The following PDE8B variants were observed in gnomAD, a reference collection of about 807,000 sequenced individuals.
PDE8B encodes the protein phosphodiesterase 8B.
PDE8B carries 26 observed loss-of-function variants against 101.3 expected under a neutral mutation model. The observed-to-expected ratio is 0.26, with a 90% confidence interval of 0.19 to 0.36. The LOEUF (loss-of-function observed/expected upper bound fraction) is 0.36, where lower values mean the gene tolerates loss of function less well. PDE8B is among the 10% of genes least tolerant of loss of function. The pLI is 1.00. For synonymous variants in PDE8B, 424 were observed against 429.3 expected, an observed-to-expected ratio of 0.99 and a Z score of 0.15; for missense variants, 810 against 1,163.1, an observed-to-expected ratio of 0.70 and a Z score of 4.42.
At chr5:77,311,137 CACA>C (rs1772508588) in intron 1 of PDE8B, among the ~76,000 whole-genome samples, 1 of 151,766 alleles carries the variant, frequency 6.6e-6, no homozygotes, top group Non-Finnish European at 1.5e-5. Flanking sequence ...GACAAATGAC[CACA>C]GTCTCTTAGA....
At position 77,325,796 on chromosome 5, in the gene PDE8B, A is replaced by G. The variant is rs1775945192; in HGVS notation, c.590+67A>G. 4 of 1,048,796 alleles carry G rather than the reference A, an allele frequency of 3.8e-6. 1 individual carries two copies. In the East Asian group the frequency reaches 9.7e-5, roughly 26 times the overall value. 65.0% of individuals were successfully genotyped at this position (1,048,796 alleles called of 1,614,324 possible). ...ACATCTTAAAACGAATTTCATTTATAGATATCTTTAGTTTATTTCAAATAT... is the reference window on the plus strand; with the variant it reads ...ACATCTTAAAACGAATTTCATTTATGGATATCTTTAGTTTATTTCAAATAT... On this transcript the variant is annotated intron_variant, in intron 3 of 21. Coordinates refer to ENST00000264917, the MANE Select transcript of PDE8B (RefSeq NM_003719.5).
chr5:77,295,873 G>GGTGTCGCTTTCA (rs1561485253), intron 1 of PDE8B, among the ~76,000 whole-genome samples: 8 of 152,164 alleles, frequency 5.3e-5, no homozygotes, highest in Middle Eastern at 3.4e-3. Flanking sequence ...TGTTGCTTTC[G>GGTGTCGCTTTCA]TTCTCACATG....
intron 6 of PDE8B, among the ~76,000 whole-genome samples, chr5:77,340,971 T>C (rs969088082): frequency 3.9e-5 from 6 of 152,170 alleles, no homozygotes; most frequent in African/African-American, 1.4e-4. Context: ...ACTAGGTTAC[T>C]TTTCCCTTGT....
At chr5:77,208,217 C>A (rs1050272825), upstream of PDE8B, among the ~76,000 whole-genome samples, 1 of 152,030 alleles carries the variant, frequency 6.6e-6, no homozygotes, top group African/African-American at 2.4e-5. Flanking sequence ...AGTCTTCTTG[C>A]CTTTCAAAGC....
At chr5:77,161,045 T>C in the PDE8B span, among the ~76,000 whole-genome samples, 1 of 152,230 alleles carries the variant, frequency 6.6e-6, no homozygotes, top group Non-Finnish European at 1.5e-5. Context: ...TTTGGATGTT[T>C]ATTATGAATT....
chr5:77,338,381 G>C (rs769088367), intron 6 of PDE8B, among the ~76,000 whole-genome samples: 6 of 152,190 alleles, frequency 3.9e-5, no homozygotes. Context: ...GGTGGGTAGA[G>C]TGATCTAAGA....
At chr5:77,194,071 T>C in the PDE8B span, among the ~76,000 whole-genome samples, 47 of 152,340 alleles carry the variant, frequency 3.1e-4, no homozygotes, top group Admixed American at 1.1e-3. Context: ...AATTATGTTG[T>C]CTGTGAATAA....
Position 77,427,840 on chromosome 5 carries a change from TTCTC to T in PDE8B, c.*1288_*1291del. 6.6e-6 allele frequency: 1 copy of T among 152,220 alleles called. No individual in the cohort carries two copies. The highest frequency in any genetic ancestry group is 1.9e-4 in the East Asian group (1 of 5,202). The allele number at this position is 152,220 out of a possible 1,614,324, so 9.4% of individuals were successfully genotyped here. A position where few individuals can be genotyped will look rare whatever the true frequency, so the allele number is the denominator to read the frequency against. ...CTCCGTAAACAAACTTCATTTTTCTTTCTCTGTACTTCATGCTGCATTTTTAAAA... is the reference window on the plus strand; with the variant it reads ...CTCCGTAAACAAACTTCATTTTTCTTTGTACTTCATGCTGCATTTTTAAAA... On this transcript the variant is annotated 3_prime_UTR_variant, in exon 22 of 22. Coordinates refer to ENST00000264917, the MANE Select transcript of PDE8B (RefSeq NM_003719.5).
chr5:77,412,776 G>A (rs1794818094), intron 16 of PDE8B, among the ~76,000 whole-genome samples: 1 of 151,950 alleles, frequency 6.6e-6, no homozygotes, highest in African/African-American at 2.4e-5. Flanking sequence ...CACTTCCTTA[G>A]GGAACATAAA....
intron 1 of PDE8B, among the ~76,000 whole-genome samples, chr5:77,265,554 G>GTATGAATTATTTTTAAAGGTTGGAA (rs1761517100): frequency 1.3e-5 from 2 of 152,104 alleles, no homozygotes; most frequent in Non-Finnish European, 2.9e-5. Context: ...AAAGGTTGGA[G>GTATGAATTATTTTTAAAGGTTGGAA]TATAAATAAT....
chr5:77,107,919 AT>A, the PDE8B span, among the ~76,000 whole-genome samples: 3 of 152,110 alleles, frequency 2.0e-5, no homozygotes, highest in Non-Finnish European at 2.9e-5. Context: ...GGGAATTCGT[AT>A]TCCCCTCCCC....
chr5:77,141,276 T>C, the PDE8B span: 5 of 152,206 alleles, frequency 3.3e-5, no homozygotes, highest in African/African-American at 1.2e-4. Flanking sequence ...GATCTAATAC[T>C]ATAAACAAGG....
chr5:77,129,367 C>CTTTA, the PDE8B span, among the ~76,000 whole-genome samples: 2 of 152,160 alleles, frequency 1.3e-5, no homozygotes, highest in African/African-American at 2.4e-5. Flanking sequence ...CTTGGGAGAT[C>CTTTA]TTTACCGAGA....
intron 1 of PDE8B, among the ~76,000 whole-genome samples, chr5:77,233,400 G>C (rs970595672): frequency 6.6e-6 from 1 of 152,048 alleles, no homozygotes; most frequent in East Asian, 1.9e-4. Flanking sequence ...CTTCCTTTTC[G>C]TGGTTAAAGG....
chr5:77,298,732 T>C (rs2150016183), intron 1 of PDE8B, among the ~76,000 whole-genome samples: 1 of 152,316 alleles, frequency 6.6e-6, no homozygotes, highest in African/African-American at 2.4e-5. Flanking sequence ...TGTGTGATGA[T>C]GGGGCTTTAG....
intron 6 of PDE8B, among the ~76,000 whole-genome samples, chr5:77,338,136 C>G (rs1778530028): frequency 6.6e-6 from 1 of 152,236 alleles, no homozygotes; most frequent in Non-Finnish European, 1.5e-5. Flanking sequence ...AGCATGGCCT[C>G]TCTCTCTGGC....
At chr5:77,298,510 G>C (rs889481948) in intron 1 of PDE8B, among the ~76,000 whole-genome samples, 4 of 152,228 alleles carry the variant, frequency 2.6e-5, no homozygotes, top group Non-Finnish European at 5.9e-5. Context: ...GGCGAGGCAA[G>C]TCTTTCTGTT....
intron 19 of PDE8B, 85 bp downstream of exon 19, chr5:77,419,972 A>T (rs1561690874): frequency 2.7e-6 from 4 of 1,476,566 alleles, no homozygotes; most frequent in Non-Finnish European, 3.8e-6. Flanking sequence ...TTTCTCTCCC[A>T]CTCAAATGTA....
At chr5:77,131,497 C>A in the PDE8B span, among the ~76,000 whole-genome samples, 1 of 152,196 alleles carries the variant, frequency 6.6e-6, no homozygotes. Flanking sequence ...TGGGTTTGGA[C>A]ATTCAAATAC....
Sources: allele counts gnomAD v4.1 joint callset (sites outside exome capture counted in the v4.1 genomes callset), GRCh38; gene constraint gnomAD v4.1.1; transcripts MANE v1.5; gene names NCBI Gene and HGNC (gene_info 2026-07-23, HGNC 2026-07-21).